The following SMCHD1 variants were observed in gnomAD, a reference collection of about 807,000 sequenced individuals.
The protein encoded by SMCHD1 is structural maintenance of chromosomes flexible hinge domain containing 1.
SMCHD1 carries 78 observed loss-of-function variants against 254.7 expected under a neutral mutation model. That is an observed-to-expected ratio of 0.31 (90% CI 0.26 to 0.37). The LOEUF (loss-of-function observed/expected upper bound fraction) is 0.37. Ranked by LOEUF, SMCHD1 falls within the 10% of genes least tolerant of loss-of-function variation. The pLI, the probability that SMCHD1 is intolerant of heterozygous loss-of-function variation, is 1.00. For synonymous variants in SMCHD1, 766 were observed against 794.9 expected (o/e 0.96, Z 0.61); for missense variants, 1,840 against 2,408.1 (o/e 0.76, Z 4.94).
Position 2,747,787 on chromosome 18 carries a change from CAAAA to C in SMCHD1, c.3927+142_3927+145del. ...ATTATTGCTTAGTGTAAATAAACCT[CAAAA>C]ATTTTTAAAATTATTTTGAGGAAAT... On this transcript the variant is annotated intron_variant, in intron 30 of 47. Transcript: ENST00000320876. The C allele has an allele frequency of 4.0e-6, 3 of 747,616 alleles. No homozygotes were observed. The South Asian group carries it at 8.2e-5, about 20-fold the overall frequency. The allele number at this position is 747,616 out of a possible 1,614,324, so 46.3% of individuals were successfully genotyped here.
At chr18:2,685,100 T>TTTTA (rs1568134669) in intron 5 of SMCHD1, among the ~76,000 whole-genome samples, 1 of 129,042 alleles carries the variant, frequency 7.7e-6, no homozygotes, top group Non-Finnish European at 1.7e-5. Context: ...CCTTATTTTT[T>TTTTA]TCTTTTTTTT....
At chr18:2,792,437 C>T (rs188191404) in intron 45 of SMCHD1, among the ~76,000 whole-genome samples, 11 of 152,226 alleles carry the variant, frequency 7.2e-5, no homozygotes, top group Non-Finnish European at 7.4e-5. Flanking sequence ...CACTTAATGA[C>T]GAAATAACCT....
At chr18:2,738,372 T>G in intron 25 of SMCHD1, 25 bp from the exon 26 acceptor site, 1 of 1,548,560 alleles carries the variant, frequency 6.5e-7, no homozygotes, top group Non-Finnish European at 8.7e-7. Context: ...GCTTTATTAT[T>G]GTTAAATATC....
chr18:2,803,702 A>G lies in SMCHD1; in HGVS notation c.*1150A>G, dbSNP rs559498149. 2.0e-5 allele frequency: 3 copies of G among 149,406 alleles called. No homozygotes were observed. In the East Asian group the frequency reaches 5.9e-4, roughly 29 times the overall value. 9.3% of individuals were successfully genotyped at this position (149,406 alleles called of 1,614,324 possible). A position where few individuals can be genotyped will look rare whatever the true frequency, so the allele number is the denominator to read the frequency against. ...TGATGATGTTAACCTATCTATCTTT[A>G]TAATTGGAAATTATTTAAACTGTTT... On this transcript the variant is annotated 3_prime_UTR_variant, in exon 48 of 48. Coordinates refer to ENST00000320876, the MANE Select transcript of SMCHD1 (RefSeq NM_015295.3).
At chr18:2,711,966 T>TAC (rs1002420468) in intron 17 of SMCHD1, among the ~76,000 whole-genome samples, 8 of 152,206 alleles carry the variant, frequency 5.3e-5, no homozygotes, top group Admixed American at 5.2e-4. Context: ...GATCTCTGCA[T>TAC]ACACTGGCTC....
chr18:2,694,489 G>A (rs2074246447), intron 7 of SMCHD1, 38 bp from the exon 8 acceptor site: 20 of 1,419,434 alleles, frequency 1.4e-5, no homozygotes, highest in Non-Finnish European at 1.8e-5. Context: ...TTATAATTTA[G>A]ATGATTTAAT....
chr18:2,746,843 T>C (rs1238834360), intron 29 of SMCHD1, among the ~76,000 whole-genome samples: 1 of 152,222 alleles, frequency 6.6e-6, no homozygotes, highest in East Asian at 1.9e-4. Context: ...TAACACTGTG[T>C]TTCCTTTGAT....
chr18:2,694,851 G>A (rs1223029390), intron 8 of SMCHD1, among the ~76,000 whole-genome samples, 158 bp downstream of exon 8: 3 of 152,088 alleles, frequency 2.0e-5, no homozygotes, highest in African/African-American at 7.2e-5. Context: ...TGTTAAAACA[G>A]CTCTCTATTC....
At chr18:2,728,869 T>C in intron 23 of SMCHD1, 1 of 289,132 alleles carries the variant, frequency 3.5e-6, no homozygotes, top group East Asian at 6.6e-5. Flanking sequence ...TATATATGAA[T>C]AGAAAGACAA....
chr18:2,708,876 A>ATG, intron 17 of SMCHD1, among the ~76,000 whole-genome samples: 1 of 48,310 alleles, frequency 2.1e-5, no homozygotes, highest in South Asian at 8.7e-4. Context: ...TCATATATAT[A>ATG]TATATATATA....
chr18:2,738,262 T>G, intron 25 of SMCHD1, 135 bp from the exon 26 acceptor site: 1 of 741,834 alleles, frequency 1.3e-6, no homozygotes. Context: ...AACCACACCG[T>G]TTCTGACCAT....
At chr18:2,758,281 T>C (rs556023680) in intron 34 of SMCHD1, among the ~76,000 whole-genome samples, 3 of 152,348 alleles carry the variant, frequency 2.0e-5, no homozygotes, top group African/African-American at 4.8e-5. Flanking sequence ...CTGGTAGTTA[T>C]ACAATCTTTC....
At position 2,708,907 on chromosome 18, in the gene SMCHD1, T is replaced by TATATATATATATA. The variant is rs769432583; in HGVS notation, c.2260+988_2260+989insTATATATATATAA. ...ATATATATATATATATATATATATA[T>TATATATATATATA]AACATATTAACATGAAATTTATGAA... is the stretch of plus-strand genomic sequence containing the variant. On this transcript the variant is annotated intron_variant, in intron 17 of 47. Coordinates refer to ENST00000320876, the MANE Select transcript of SMCHD1 (RefSeq NM_015295.3). Among the ~76,000 whole-genome samples the TATATATATATATA allele has an allele frequency of 4.3e-4, 19 of 44,692 alleles. 2 individuals are homozygous for TATATATATATATA. Among genetic ancestry groups the TATATATATATATA allele is most frequent in the African/African-American group, 1.1e-3 (13 of 11,888 alleles). 29.3% of individuals were successfully genotyped at this position (44,692 alleles called of 152,430 possible). A position where few individuals can be genotyped will look rare whatever the true frequency, so the allele number is the denominator to read the frequency against.
At chr18:2,725,153 A>T (rs1247151430) in intron 21 of SMCHD1, among the ~76,000 whole-genome samples, 158 bp downstream of exon 21, 2 of 152,132 alleles carry the variant, frequency 1.3e-5, no homozygotes, top group East Asian at 1.9e-4. Context: ...CACCTGACTT[A>T]TCAGTTACAT....
chr18:2,696,171 G>T (rs1265121187), intron 8 of SMCHD1, among the ~76,000 whole-genome samples: 2 of 152,136 alleles, frequency 1.3e-5, no homozygotes, highest in Non-Finnish European at 2.9e-5. Context: ...CAGTGAGATG[G>T]TGTCAAACTT....
chr18:2,739,950 A>G (rs939341276), intron 27 of SMCHD1, among the ~76,000 whole-genome samples: 15 of 150,432 alleles, frequency 1.0e-4, no homozygotes, highest in Admixed American at 3.3e-4. Context: ...TTTTAACATT[A>G]TACTTTAAGT....
intron 34 of SMCHD1, among the ~76,000 whole-genome samples, chr18:2,757,690 C>G (rs974474064): frequency 4.0e-5 from 6 of 151,764 alleles, no homozygotes; most frequent in African/African-American, 1.5e-4. Context: ...TCCAAATATA[C>G]TAGATAATAA....
intron 44 of SMCHD1, among the ~76,000 whole-genome samples, chr18:2,783,384 TTG>T (rs368938014): frequency 4.6e-5 from 7 of 151,954 alleles, no homozygotes; most frequent in Non-Finnish European, 1.0e-4. Context: ...CCCACCAAAG[TTG>T]TGTGTGTGTG....
intron 5 of SMCHD1, among the ~76,000 whole-genome samples, chr18:2,678,643 C>T (rs1375618828): frequency 2.0e-5 from 3 of 151,838 alleles, no homozygotes; most frequent in Admixed American, 6.6e-5. Flanking sequence ...ATGTAATTAC[C>T]GCTACCTTAT....
Sources: allele counts gnomAD v4.1 joint callset (sites outside exome capture counted in the v4.1 genomes callset), GRCh38; gene constraint gnomAD v4.1.1; transcripts MANE v1.5; gene names NCBI Gene and HGNC (gene_info 2026-07-23, HGNC 2026-07-21).